Variants in OR11A1 observed in about 807,000 individuals in gnomAD.
OR11A1 encodes olfactory receptor 11A1.
For synonymous variants in OR11A1, 158 were observed against 152.2 expected (o/e 1.04, Z -0.28); for missense variants, 380 against 378.2 (o/e 1.00, Z -0.04).
At chr6:29,440,495 T>C in intron 1 of OR11A1, 3 of 1,613,792 alleles carry the variant, frequency 1.9e-6, no homozygotes, top group Non-Finnish European at 2.5e-6. Flanking sequence ...GCCACACCCC[T>C]TTCATCTTCT....
intron 1 of OR11A1, among the ~76,000 whole-genome samples, chr6:29,446,873 C>T (rs192153960): frequency 1.5e-3 from 224 of 152,264 alleles, no homozygotes; most frequent in African/African-American, 4.9e-3. Flanking sequence ...ACCTGGTCTG[C>T]ATAATAAGAT....
chr6:29,454,529 A>C (rs1785815109), intron 1 of OR11A1, among the ~76,000 whole-genome samples: 1 of 152,230 alleles, frequency 6.6e-6, no homozygotes, highest in Admixed American at 6.5e-5. Flanking sequence ...CAAAATTGAC[A>C]GAGCCACTTT....
intron 1 of OR11A1, among the ~76,000 whole-genome samples, chr6:29,455,831 G>C (rs1408208313): frequency 2.3e-5 from 3 of 131,802 alleles, no homozygotes; most frequent in African/African-American, 8.6e-5. Context: ...AGCCGAGATC[G>C]TGCCATTGCA....
intron 1 of OR11A1, among the ~76,000 whole-genome samples, chr6:29,447,642 C>T (rs1784906398): frequency 6.6e-6 from 1 of 152,208 alleles, no homozygotes; most frequent in Admixed American, 6.5e-5. Flanking sequence ...GCCATATACT[C>T]TTTGGAGAAT....
At chr6:29,439,844 G>T in intron 1 of OR11A1, 1 of 608,438 alleles carries the variant, frequency 1.6e-6, no homozygotes, top group Non-Finnish European at 2.9e-6. Flanking sequence ...GGTGGAATAT[G>T]GACTCCAGGC....
chr6:29,437,735 A>G (rs1783749358), intron 1 of OR11A1, among the ~76,000 whole-genome samples: 1 of 152,202 alleles, frequency 6.6e-6, no homozygotes, highest in South Asian at 2.1e-4. Context: ...CAATAATACT[A>G]CATAGGTTAC....
chr6:29,430,336 C>T lies in OR11A1; in HGVS notation c.-175G>A, dbSNP rs1378111977. On this transcript the variant is annotated 5_prime_UTR_variant, in exon 3 of 5. Transcript: ENST00000377149. ...CATCTGCATTTCCTTGTGAGTGAATCTGGCACTCCCTATGTGGGCCATCTT... is the reference window on the plus strand; with the variant it reads ...CATCTGCATTTCCTTGTGAGTGAATTTGGCACTCCCTATGTGGGCCATCTT... The T allele has an allele frequency of 5.1e-6, 5 of 985,390 alleles. No homozygotes were observed. The highest frequency in any genetic ancestry group is 6.0e-6 in the Non-Finnish European group (5 of 829,922). 61.0% of individuals were successfully genotyped at this position (985,390 alleles called of 1,614,324 possible). A position where few individuals can be genotyped will look rare whatever the true frequency, so the allele number is the denominator to read the frequency against.
At chr6:29,445,500 C>T (rs1199546683) in intron 1 of OR11A1, among the ~76,000 whole-genome samples, 2 of 152,174 alleles carry the variant, frequency 1.3e-5, no homozygotes, top group Non-Finnish European at 2.9e-5. Flanking sequence ...CAAGGAAAGC[C>T]ATCTCTGTGC....
At chr6:29,433,506 G>T (rs954051958) in intron 1 of OR11A1, among the ~76,000 whole-genome samples, 2 of 152,150 alleles carry the variant, frequency 1.3e-5, no homozygotes, top group Non-Finnish European at 2.9e-5. Context: ...GCAAACAACA[G>T]AATTTCCTTC....
In OR11A1 at chr6:29,426,691, CCTT is replaced by C; in HGVS notation, c.948_*2del. The C allele has an allele frequency of 6.2e-7, 1 of 1,602,988 alleles. No homozygotes were observed. The highest frequency in any genetic ancestry group is 8.5e-7 in the Non-Finnish European group (1 of 1,174,258). On this transcript the variant is annotated stop_lost and 3_prime_UTR_variant, in exon 5 of 5. Transcript: ENST00000377149. ...TCCAAAATAACATCTTCATTACTCT[CCTT>C]CAATCAAGTGTTTCAGTTTGTTTGA...
chr6:29,440,243 G>A (rs943958508), intron 1 of OR11A1: 14 of 1,613,796 alleles, frequency 8.7e-6, no homozygotes, highest in African/African-American at 2.7e-5. Flanking sequence ...CGTCTGTCAC[G>A]GTCCCCCTGC....
intron 1 of OR11A1, among the ~76,000 whole-genome samples, chr6:29,443,177 G>A (rs1180628942): frequency 6.6e-6 from 1 of 152,110 alleles, no homozygotes. Flanking sequence ...AATTTGATAA[G>A]TTTTGACCCA....
rs1782885892 is a variant in OR11A1 at position 29,427,205 on chromosome 6, A to G, written c.437T>C (p.Val146Ala). Residue 146 changes from valine to alanine, a missense_variant, in exon 5 of 5, where the codon GTG (valine) becomes GCG (alanine). Val to Ala is a moderately conservative substitution (Grantham distance 64). Coordinates refer to ENST00000377149, the MANE Select transcript of OR11A1 (RefSeq NM_001394828.1). ...LMGPRRYMGLVVTTWLSGFVV... is the reference protein window; with the variant it reads ...LMGPRRYMGLAVTTWLSGFVV... The stretch of plus-strand genomic sequence containing the variant: ...AAATCCAGAGAGCCAGGTTGTGACC[A>G]CCAGCCCCATGTACCGTCTGGGCCC... 8 of 1,613,110 alleles carry G rather than the reference A, an allele frequency of 5.0e-6. No homozygotes were observed. The highest frequency in any genetic ancestry group is 6.8e-6 in the Non-Finnish European group (8 of 1,180,036).
intron 1 of OR11A1, among the ~76,000 whole-genome samples, chr6:29,452,636 T>A (rs1013290587): frequency 1.3e-5 from 2 of 152,112 alleles, no homozygotes; most frequent in African/African-American, 4.8e-5. Flanking sequence ...AAAAAAAATC[T>A]GCCAACTTAG....
In OR11A1 at chr6:29,427,041, G is replaced by A. The variant is rs1436719375; in HGVS notation, c.601C>T (p.Leu201Phe). 1.2e-6 allele frequency: 2 copies of A among 1,612,306 alleles called. No homozygotes were observed. Among genetic ancestry groups the A allele is most frequent in the Admixed American group, 3.3e-5 (2 of 60,028 alleles). ...GTGAGGCAGAACACAGACAGAATGA[G>A]AGTTGTCACCTGAGCCACTCTGGGA... is the stretch of plus-strand genomic sequence containing the variant. ...SDPRVAQVTT[L>F]ILSVFCLTIP... The change falls in exon 5 of 5, where the codon CTC (leucine) becomes TTC (phenylalanine). Residue 201 changes from leucine to phenylalanine, a missense_variant. Leu to Phe is a conservative substitution (Grantham distance 22). Transcript: ENST00000377149.
intron 1 of OR11A1, among the ~76,000 whole-genome samples, chr6:29,447,787 T>C (rs1784921968): frequency 6.6e-6 from 1 of 152,216 alleles, no homozygotes; most frequent in Admixed American, 6.5e-5. Flanking sequence ...AGGCTTTTAA[T>C]TCTTCCTGTT....
chr6:29,435,148 G>C (rs115873808), intron 1 of OR11A1, among the ~76,000 whole-genome samples: 1 of 152,182 alleles, frequency 6.6e-6, no homozygotes, highest in African/African-American at 2.4e-5. Flanking sequence ...CAGGTACAGG[G>C]GACAGTGGTT....
intron 1 of OR11A1, among the ~76,000 whole-genome samples, chr6:29,442,776 C>T (rs567770902): frequency 2.6e-5 from 4 of 152,310 alleles, no homozygotes; most frequent in East Asian, 3.9e-4. Context: ...ACTGCAATAG[C>T]GAGGAACAGC....
chr6:29,452,135 A>G (rs984145194), intron 1 of OR11A1, among the ~76,000 whole-genome samples: 2 of 152,194 alleles, frequency 1.3e-5, no homozygotes, highest in Non-Finnish European at 2.9e-5. Context: ...TTGAATACAC[A>G]TGACCACAAA....
Sources: gnomAD v4.1 joint callset for allele counts (sites outside exome capture counted in the v4.1 genomes callset) on GRCh38, gnomAD v4.1.1 for gene constraint, MANE v1.5 for transcripts, NCBI Gene and HGNC (gene_info 2026-07-23, HGNC 2026-07-21) for gene names.